The following FGF13 variants were observed in gnomAD, a reference collection of about 807,000 sequenced individuals.
FGF13 encodes the protein fibroblast growth factor 13.
FGF13 carries 2 observed loss-of-function variants against 19.5 expected under a neutral mutation model. The ratio of observed to expected loss-of-function variants is 0.10; its 90% CI spans 0.04 to 0.32. The LOEUF is 0.32. FGF13 is among the 10% of genes least tolerant of loss of function. The probability of loss-of-function intolerance (pLI) is 1.00; values close to 1 mark genes in which losing one functional copy is unlikely to be tolerated. For synonymous variants in FGF13, 72 were observed against 76.9 expected, an observed-to-expected ratio of 0.94 and a Z score of 0.33; for missense variants, 113 against 192.7, an observed-to-expected ratio of 0.59 and a Z score of 2.45.
intron 1 of FGF13, among the ~76,000 whole-genome samples, chrX:139,087,908 G>C (rs1182682122): frequency 8.9e-6 from 1 of 111,991 alleles, no homozygotes; most frequent in Non-Finnish European, 1.9e-5. Flanking sequence ...GAAAGCCTAT[G>C]ATCATGTGGC....
intron 3 of FGF13, among the ~76,000 whole-genome samples, chrX:138,756,461 C>A (rs1377445450): frequency 8.9e-6 from 1 of 112,482 alleles, no homozygotes; most frequent in Non-Finnish European, 1.9e-5. Context: ...CTGGAGATGG[C>A]AGCATTAGCT....
intron 1 of FGF13, among the ~76,000 whole-genome samples, chrX:139,182,486 T>C (rs984634057): frequency 3.6e-5 from 4 of 112,274 alleles, no homozygotes; most frequent in Non-Finnish European, 5.6e-5. Context: ...CTAGTTCATA[T>C]AGTATTAAAC....
chrX:138,959,873 G>A (rs973938414), intron 1 of FGF13, among the ~76,000 whole-genome samples: 2 of 111,095 alleles, frequency 1.8e-5, no homozygotes, highest in African/African-American at 3.3e-5. Context: ...CCATTTGCTT[G>A]GTAGATCTTC....
chrX:138,686,197 AAT>A (rs1404369834), intron 3 of FGF13, among the ~76,000 whole-genome samples: 1 of 111,531 alleles, frequency 9.0e-6, no homozygotes, highest in African/African-American at 3.3e-5. Flanking sequence ...TGCTCCAACA[AAT>A]ATTAGAGAAT....
intron 3 of FGF13, among the ~76,000 whole-genome samples, chrX:138,789,467 A>G (rs2090721834): frequency 9.2e-6 from 1 of 108,755 alleles, no homozygotes; most frequent in Non-Finnish European, 1.9e-5. Flanking sequence ...GGCGTCAGCC[A>G]CCGCGCCCAG....
chrX:138,899,802 T>G (rs1482690913), intron 1 of FGF13, among the ~76,000 whole-genome samples: 1 of 95,979 alleles, frequency 1.0e-5, no homozygotes, highest in Non-Finnish European at 2.1e-5. Context: ...AATTAATAAA[T>G]GGATAACTAG....
chrX:138,709,044 C>T (rs748375974), intron 1 of FGF13, 116 bp from the exon 2 acceptor site: 1 of 428,959 alleles, frequency 2.3e-6, no homozygotes, highest in Non-Finnish European at 4.0e-6. Context: ...AGTCAAACTA[C>T]ACTTTTAAGG....
At chrX:138,722,581 C>T (rs771220884) in intron 1 of FGF13, among the ~76,000 whole-genome samples, 34 of 111,060 alleles carry the variant, frequency 3.1e-4, no homozygotes, top group Non-Finnish European at 5.9e-4. Context: ...TATAGATATC[C>T]ACCTGCTCCC....
intron 1 of FGF13, among the ~76,000 whole-genome samples, chrX:138,881,360 C>T (rs1037730413): frequency 9.0e-6 from 1 of 111,482 alleles, no homozygotes; most frequent in African/African-American, 3.3e-5. Flanking sequence ...AGTATTATGT[C>T]ACATGCAAAA....
Position 138,630,843 on chromosome X carries a change from A to T in FGF13, c.*2007T>A. On this transcript the variant is annotated 3_prime_UTR_variant, in exon 5 of 5. Transcript: ENST00000315930. The stretch of plus-strand genomic sequence containing the variant: ...AGTTGAAAATGCATTTAATACACCT[A>T]ACCTAGCAAACATCATAGCTTAGCC... 8.9e-6 allele frequency: 1 copy of T among 112,260 alleles called. No homozygotes were observed. Among genetic ancestry groups the T allele is most frequent in the Admixed American group, 9.5e-5 (1 of 10,546 alleles). The allele number at this position is 112,260 out of a possible 1,213,427, so 9.3% of individuals were successfully genotyped here. A position where few individuals can be genotyped will look rare whatever the true frequency, so the allele number is the denominator to read the frequency against.
intron 3 of FGF13, among the ~76,000 whole-genome samples, chrX:138,817,029 G>A (rs1039149914): frequency 1.6e-4 from 18 of 112,281 alleles, no homozygotes; most frequent in Non-Finnish European, 7.5e-5. Flanking sequence ...TAATCACACT[G>A]TTGTAGTCCT....
intron 3 of FGF13, among the ~76,000 whole-genome samples, chrX:138,664,519 T>C (rs753467869): frequency 9.2e-6 from 1 of 109,179 alleles, no homozygotes; most frequent in Non-Finnish European, 1.9e-5. Flanking sequence ...ACAAGAAAGA[T>C]CATTTGCTCA....
intron 1 of FGF13, among the ~76,000 whole-genome samples, chrX:139,115,789 G>A (rs746582016): frequency 4.4e-5 from 5 of 112,435 alleles, no homozygotes; most frequent in Admixed American, 9.4e-5. Context: ...CTATTGTTCC[G>A]TTGTTTGTCT....
rs147839455 is a variant in FGF13 at position 139,106,720 on chromosome X, A to G, written c.-113+96696T>C. Among the ~76,000 whole-genome samples the G allele has an allele frequency of 9.7e-4, 109 of 112,874 alleles. 1 individual carries two copies. Among genetic ancestry groups the G allele is most frequent in the East Asian group, 7.3e-3 (26 of 3,584 alleles). ...AGTTAGGATTCCAAATGTACCAATG[A>G]AAATACTACATAAAGTTCAAATGTA... On this transcript the variant is annotated intron_variant, in intron 1 of 2. Coordinates refer to the FGF13 transcript ENST00000421460.
chrX:138,830,047 G>T (rs763837361), intron 3 of FGF13, among the ~76,000 whole-genome samples: 11 of 112,306 alleles, frequency 9.8e-5, no homozygotes, highest in Non-Finnish European at 1.7e-4. Context: ...AAATGACCCA[G>T]TCTGTAGTAG....
upstream of FGF13, chrX:138,711,815 C>G: frequency 9.1e-6 from 3 of 329,997 alleles, no homozygotes; most frequent in South Asian, 1.6e-4. Context: ...CCACCCCCAC[C>G]CCCACCCCCC....
At chrX:139,123,507 T>A (rs1016013953) in intron 1 of FGF13, among the ~76,000 whole-genome samples, 1 of 112,195 alleles carries the variant, frequency 8.9e-6, no homozygotes, top group Middle Eastern at 4.2e-3. Context: ...GTTCAATGGC[T>A]CACTCACCAT....
intron 1 of FGF13, among the ~76,000 whole-genome samples, chrX:138,732,431 C>T (rs924891740): frequency 2.7e-5 from 3 of 111,653 alleles, no homozygotes; most frequent in African/African-American, 9.8e-5. Context: ...CTGATATACA[C>T]AGAAAAATAG....
At chrX:138,634,801 G>A (rs571505892) in intron 4 of FGF13, among the ~76,000 whole-genome samples, 1 of 112,114 alleles carries the variant, frequency 8.9e-6, no homozygotes, top group Non-Finnish European at 1.9e-5. Context: ...CTGCTGGCGA[G>A]AATGTAAATC....
Sources: gnomAD v4.1 joint callset for allele counts (sites outside exome capture counted in the v4.1 genomes callset) on GRCh38, gnomAD v4.1.1 for gene constraint, MANE v1.5 for transcripts, NCBI Gene and HGNC (gene_info 2026-07-23, HGNC 2026-07-21) for gene names.